ATRN: variants seen among roughly 807,000 people sequenced by gnomAD.
ATRN encodes the protein attractin-2.
In ATRN, 54 loss-of-function variants were observed where a neutral mutation model predicts 178.7. The ratio of observed to expected loss-of-function variants is 0.30; its 90% confidence interval spans 0.24 to 0.38. ATRN has a LOEUF of 0.38. ATRN is among the 10% of genes least tolerant of loss of function. The pLI, the probability that ATRN is intolerant of heterozygous loss-of-function variation, is 1.00. For missense variants in ATRN, 1,443 were observed against 1,815.1 expected, an observed-to-expected ratio of 0.79 and a Z score of 3.73; for synonymous variants, 636 against 663.0, an observed-to-expected ratio of 0.96 and a Z score of 0.63.
At chr20:3,639,879 T>C (rs547524509) in intron 27 of ATRN, among the ~76,000 whole-genome samples, 1 of 152,250 alleles carries the variant, frequency 6.6e-6, no homozygotes, top group South Asian at 2.1e-4. Flanking sequence ...TTCCAGATGG[T>C]AAACACAACA....
intron 24 of ATRN, among the ~76,000 whole-genome samples, chr20:3,606,820 T>C (rs972256065): frequency 6.6e-6 from 1 of 152,230 alleles, no homozygotes; most frequent in African/African-American, 2.4e-5. Context: ...GTCCTTGTTA[T>C]GGTTTTGATA....
At chr20:3,509,797 C>T (rs900274346) in intron 1 of ATRN, among the ~76,000 whole-genome samples, 9 of 152,104 alleles carry the variant, frequency 5.9e-5, no homozygotes, top group Non-Finnish European at 1.0e-4. Context: ...AGCCACCACG[C>T]CCAGCCACAA....
intron 1 of ATRN, among the ~76,000 whole-genome samples, chr20:3,514,228 A>G (rs1282135837): frequency 6.6e-6 from 1 of 152,212 alleles, no homozygotes; most frequent in Non-Finnish European, 1.5e-5. Context: ...AATTTCTAGA[A>G]AAACCAACTT....
chr20:3,499,584 AAGGATTCCCTATTTAAT>A (rs2146104702), intron 1 of ATRN, among the ~76,000 whole-genome samples: 1 of 151,242 alleles, frequency 6.6e-6, no homozygotes, highest in South Asian at 2.1e-4. Context: ...GCATTGGGGA[AAGGATTCCCTATTTAAT>A]AAATGGTGCT....
At position 3,565,456 on chromosome 20, in the gene ATRN, T is replaced by G. The variant is rs141931479; in HGVS notation, c.1871+24T>G. On this transcript the variant is annotated intron_variant, in intron 11 of 28. Transcript: ENST00000262919. Reference sequence around the variant, plus strand: ...AGGTAATTGGAGAAGTGATTGCTCCTTTTCTTTTGTGTTTAAAATGAAAAT... The same window carrying G: ...AGGTAATTGGAGAAGTGATTGCTCCGTTTCTTTTGTGTTTAAAATGAAAAT... 1.6e-5 allele frequency: 25 copies of G among 1,586,068 alleles called. No individual in the cohort carries two copies. The African/African-American group carries it at 2.8e-4, about 18-fold the overall frequency.
intron 24 of ATRN, among the ~76,000 whole-genome samples, chr20:3,620,052 C>T (rs981970987): frequency 4.6e-5 from 7 of 152,128 alleles, no homozygotes; most frequent in African/African-American, 1.7e-4. Context: ...TTTCAAAGCA[C>T]TGTCCTCTCT....
chr20:3,516,363 G>A (rs996812510), intron 1 of ATRN, among the ~76,000 whole-genome samples: 1 of 152,064 alleles, frequency 6.6e-6, no homozygotes, highest in African/African-American at 2.4e-5. Context: ...CAGGTTTAGA[G>A]TTGCCATACG....
chr20:3,504,616 G>T (rs1295593712), intron 1 of ATRN, among the ~76,000 whole-genome samples: 2 of 150,318 alleles, frequency 1.3e-5, no homozygotes, highest in Non-Finnish European at 3.0e-5. Flanking sequence ...AGCTGGGAGG[G>T]GGAGGTTGCA....
intron 1 of ATRN, among the ~76,000 whole-genome samples, chr20:3,533,768 C>CT (rs2085486300): frequency 6.6e-6 from 1 of 151,982 alleles, no homozygotes; most frequent in South Asian, 2.1e-4. Flanking sequence ...AAAGCCTAAT[C>CT]TTTTTTCTAC....
At chr20:3,584,209 AC>A in intron 17 of ATRN, 126 bp downstream of exon 17, 4 of 1,030,844 alleles carry the variant, frequency 3.9e-6, no homozygotes, top group Non-Finnish European at 5.7e-6. Context: ...CTCTGCTCAA[AC>A]CTGACCAGAG....
intron 25 of ATRN, among the ~76,000 whole-genome samples, chr20:3,627,832 T>C (rs2086954772): frequency 6.6e-6 from 1 of 152,290 alleles, no homozygotes. Context: ...CTAATTTAAG[T>C]TTTGTCATAG....
intron 10 of ATRN, 36 bp from the exon 11 acceptor site, chr20:3,565,312 G>A (rs1477882145): frequency 1.3e-6 from 2 of 1,521,020 alleles, no homozygotes; most frequent in African/African-American, 2.7e-5. Flanking sequence ...ATTAGAAATG[G>A]TAGTCCGTTT....
At chr20:3,624,879 TA>T (rs1360706904) in intron 25 of ATRN, among the ~76,000 whole-genome samples, 1 of 152,212 alleles carries the variant, frequency 6.6e-6, no homozygotes, top group African/African-American at 2.4e-5. Context: ...AATTTGGGAC[TA>T]AAACAACATT....
chr20:3,487,684 T>C (rs576764756), intron 1 of ATRN, among the ~76,000 whole-genome samples: 2 of 152,302 alleles, frequency 1.3e-5, no homozygotes, highest in African/African-American at 4.8e-5. Context: ...TTACTTCTTC[T>C]AGATATCTTT....
chr20:3,591,776 G>C (rs2086446763), intron 19 of ATRN, among the ~76,000 whole-genome samples: 1 of 152,186 alleles, frequency 6.6e-6, no homozygotes, highest in Non-Finnish European at 1.5e-5. Flanking sequence ...GTCAGAGTTA[G>C]GAAAGTGTCT....
At chr20:3,476,200 A>G (rs1204610361) in intron 1 of ATRN, among the ~76,000 whole-genome samples, 2 of 152,242 alleles carry the variant, frequency 1.3e-5, no homozygotes, top group Non-Finnish European at 2.9e-5. Context: ...CCTATTAGAA[A>G]TAACTCCCTT....
At chr20:3,572,607 A>G in intron 11 of ATRN, 124 bp from the exon 12 acceptor site, 2 of 778,634 alleles carry the variant, frequency 2.6e-6, no homozygotes, top group Non-Finnish European at 4.0e-6. Context: ...TCTTGAGCCC[A>G]GGAGTTTGAG....
chr20:3,483,394 TA>T (rs2084648306), intron 1 of ATRN, among the ~76,000 whole-genome samples: 1 of 152,226 alleles, frequency 6.6e-6, no homozygotes, highest in African/African-American at 2.4e-5. Context: ...TGAACCAGGC[TA>T]GAGTGCAGTG....
At chr20:3,527,719 C>T (rs1273179748) in intron 1 of ATRN, among the ~76,000 whole-genome samples, 1 of 152,188 alleles carries the variant, frequency 6.6e-6, no homozygotes, top group Non-Finnish European at 1.5e-5. Flanking sequence ...GGCACATATA[C>T]ACCATGGAAT....
Sources: gnomAD v4.1 joint callset for allele counts (sites outside exome capture counted in the v4.1 genomes callset) on GRCh38, gnomAD v4.1.1 for gene constraint, MANE v1.5 for transcripts, NCBI Gene and HGNC (gene_info 2026-07-23, HGNC 2026-07-21) for gene names.